The following ANKRD36B variants were observed in gnomAD, a reference collection of about 807,000 sequenced individuals.
ANKRD36B encodes the protein ankyrin repeat domain-containing protein 36B.
Under a neutral mutation model 135.7 loss-of-function variants are expected in ANKRD36B, and 37 were observed. That is an observed-to-expected ratio of 0.27 (90% CI 0.21 to 0.36). ANKRD36B has a LOEUF of 0.36. Ranked by LOEUF, ANKRD36B falls within the 10% of genes least tolerant of loss-of-function variation. The probability of loss-of-function intolerance (pLI) is 1.00; values close to 1 mark genes in which losing one functional copy is unlikely to be tolerated. For synonymous variants in ANKRD36B, 179 were observed against 348.1 expected (o/e 0.51, Z 5.41); for missense variants, 549 against 1,037.1 (o/e 0.53, Z 6.46).
intron 18 of ANKRD36B, 138 bp from the exon 19 acceptor site, chr2:97,549,752 C>G (rs6750205): frequency 0.62 from 878,186 of 1,421,750 alleles, 287,759 homozygotes; most frequent in Non-Finnish European, 0.67. Context: ...TTTGTGTCTG[C>G]GGACTAGAAC....
chr2:97,496,709 C>CT (rs1238477206), intron 43 of ANKRD36B, among the ~76,000 whole-genome samples: 2 of 72,488 alleles, frequency 2.8e-5, no homozygotes, highest in Non-Finnish European at 6.7e-5. Context: ...GAAAACACAT[C>CT]GTTTACAGTA....
chr2:97,584,423 C>A (rs2082833338), intron 3 of ANKRD36B, among the ~76,000 whole-genome samples: 1 of 149,090 alleles, frequency 6.7e-6, no homozygotes, highest in Admixed American at 6.7e-5. Context: ...TTGTGCATTT[C>A]TGATTGCTCT....
chr2:97,573,650 T>C (rs1252389264), intron 6 of ANKRD36B, among the ~76,000 whole-genome samples: 2 of 152,136 alleles, frequency 1.3e-5, no homozygotes, highest in Non-Finnish European at 2.9e-5. Context: ...ACTACAAGGC[T>C]AGAGTAACCA....
chr2:97,570,943 C>T (rs976405867), intron 6 of ANKRD36B, among the ~76,000 whole-genome samples: 4 of 152,174 alleles, frequency 2.6e-5, no homozygotes, highest in African/African-American at 9.7e-5. Context: ...ACCTTTCCCT[C>T]ATCTGTTTTC....
intron 6 of ANKRD36B, among the ~76,000 whole-genome samples, chr2:97,569,813 T>C (rs2081713756): frequency 6.6e-6 from 1 of 152,178 alleles, no homozygotes; most frequent in Non-Finnish European, 1.5e-5. Flanking sequence ...TAGCAAGACG[T>C]ACTCAATTTG....
At chr2:97,551,267 TA>T (rs1242760712) in intron 18 of ANKRD36B, 21 bp downstream of exon 18, 1 of 1,544,314 alleles carries the variant, frequency 6.5e-7, no homozygotes, top group African/African-American at 1.4e-5. Flanking sequence ...AACATGACAT[TA>T]AATGTGTTTC....
intron 6 of ANKRD36B, among the ~76,000 whole-genome samples, chr2:97,572,981 T>C (rs892073991): frequency 5.3e-5 from 8 of 151,934 alleles, no homozygotes; most frequent in Admixed American, 6.6e-5. Flanking sequence ...GTTACATATG[T>C]ATACATGTGC....
chr2:97,553,438 G>T (rs12712055), intron 14 of ANKRD36B, 67 bp from the exon 15 acceptor site: 928,449 of 1,525,280 alleles, frequency 0.61, 297,468 homozygotes, highest in Non-Finnish European at 0.67. Context: ...ACATTCATGC[G>T]GTGTTAGCAT....
intron 6 of ANKRD36B, among the ~76,000 whole-genome samples, chr2:97,573,077 C>T (rs1398898614): frequency 6.6e-6 from 1 of 152,066 alleles, no homozygotes; most frequent in Non-Finnish European, 1.5e-5. Flanking sequence ...CCCCACCCCA[C>T]AACAGTCCCC....
chr2:97,554,822 C>G (rs539642694), intron 14 of ANKRD36B, among the ~76,000 whole-genome samples: 9 of 151,994 alleles, frequency 5.9e-5, no homozygotes, highest in African/African-American at 1.9e-4. Flanking sequence ...TCTTGATCTG[C>G]TCTCCAATGT....
Position 97,589,589 on chromosome 2 carries a change from G to C in ANKRD36B, c.97C>G (p.Leu33Val). The C allele has an allele frequency of 6.2e-7, 1 of 1,613,760 alleles. No individual in the cohort carries two copies. The highest frequency in any genetic ancestry group is 8.5e-7 in the Non-Finnish European group (1 of 1,179,884). Reference sequence around the variant, plus strand: ...AGCAGAAGGTACTTCAGTTTCTCCAGATTACCACGTAAGACAGCTCTGTGG... The same window carrying C: ...AGCAGAAGGTACTTCAGTTTCTCCACATTACCACGTAAGACAGCTCTGTGG... ...RIHRAVLRGN[L>V]EKLKYLLLTY... Residue 33 changes from leucine (L) to valine (V), a missense_variant, in exon 1 of 44, where the codon CTG (leucine) becomes GTG (valine). Coordinates refer to ENST00000359901, the MANE Select transcript of ANKRD36B (RefSeq NM_001393939.1).
rs1312718187 is a variant in ANKRD36B, at chr2:97,540,125, A to T, written c.1915-19T>A. On this transcript the variant is annotated intron_variant, in intron 29 of 43. Coordinates refer to ENST00000359901, the MANE Select transcript of ANKRD36B (RefSeq NM_001393939.1). ...CTGTAGTCTGAATGGAATTTGAAAC[A>T]AAATAATAAATAAATAAAGTATGTT... 1.1e-6 allele frequency: 1 copy of T among 940,518 alleles called. No individual in the cohort carries two copies. Among genetic ancestry groups the T allele is most frequent in the Admixed American group, 2.2e-5 (1 of 45,204 alleles). 58.3% of individuals were successfully genotyped at this position (940,518 alleles called of 1,614,324 possible). A position where few individuals can be genotyped will look rare whatever the true frequency, so the allele number is the denominator to read the frequency against.
At chr2:97,565,164 C>T (rs2081337129) in intron 6 of ANKRD36B, among the ~76,000 whole-genome samples, 1 of 152,118 alleles carries the variant, frequency 6.6e-6, no homozygotes, top group South Asian at 2.1e-4. Flanking sequence ...ATTTAGCACT[C>T]TATTACTGGT....
At chr2:97,567,683 C>A (rs971717892) in intron 6 of ANKRD36B, among the ~76,000 whole-genome samples, 2 of 152,032 alleles carry the variant, frequency 1.3e-5, no homozygotes, top group Non-Finnish European at 2.9e-5. Context: ...GTTTAAATTG[C>A]CTAAGATTCT....
intron 26 of ANKRD36B, 69 bp downstream of exon 26, chr2:97,543,721 T>C (rs2079272845): frequency 6.9e-6 from 1 of 144,860 alleles, no homozygotes; most frequent in South Asian, 3.4e-5. Flanking sequence ...CCACACTGAT[T>C]TGTTCGGGGA....
intron 1 of ANKRD36B, among the ~76,000 whole-genome samples, chr2:97,588,574 G>C (rs2083188599): frequency 6.6e-6 from 1 of 151,868 alleles, no homozygotes; most frequent in Non-Finnish European, 1.5e-5. Context: ...AATAGTAAAA[G>C]ACAGCATGAG....
At chr2:97,565,864 G>GGTGTGTGTGT in intron 6 of ANKRD36B, among the ~76,000 whole-genome samples, 1 of 147,204 alleles carries the variant, frequency 6.8e-6, no homozygotes, top group South Asian at 2.2e-4. Context: ...ATATACTCGG[G>GGTGTGTGTGT]GTGTGTGTGT....
Position 97,578,866 on chromosome 2 carries a change from T to C in ANKRD36B, c.695+40A>G, listed in dbSNP as rs376021943. 7.5e-5 allele frequency: 119 copies of C among 1,594,964 alleles called. No individual in the cohort carries two copies. The African/African-American group carries it at 1.5e-3, about 21-fold the overall frequency. On this transcript the variant is annotated intron_variant, in intron 5 of 43. Transcript: ENST00000359901. ...GCAATTGTTACAATTATTTTAAACTTCAATTTAGTGTTCATTAGCCTTTTT... is the reference window on the plus strand; with the variant it reads ...GCAATTGTTACAATTATTTTAAACTCCAATTTAGTGTTCATTAGCCTTTTT...
chr2:97,551,207 A>C, intron 18 of ANKRD36B, 82 bp downstream of exon 18: 2 of 1,508,162 alleles, frequency 1.3e-6, no homozygotes, highest in Non-Finnish European at 1.8e-6. Flanking sequence ...TGCAGCTTCG[A>C]CCAGCCCCCC....
Sources: allele counts gnomAD v4.1 joint callset (sites outside exome capture counted in the v4.1 genomes callset), GRCh38; gene constraint gnomAD v4.1.1; transcripts MANE v1.5; gene names NCBI Gene and HGNC (gene_info 2026-07-23, HGNC 2026-07-21).